Variants in DMD observed in about 807,000 individuals in gnomAD.
DMD encodes dystrophin.
Under a neutral mutation model 330.1 loss-of-function variants are expected in DMD, and 63 were observed. The observed-to-expected ratio is 0.19, with a 90% CI of 0.16 to 0.24. The LOEUF (loss-of-function observed/expected upper bound fraction) is 0.24. DMD is among the 10% of genes least tolerant of loss of function. The probability of loss-of-function intolerance (pLI) is 1.00; values close to 1 mark genes in which losing one functional copy is unlikely to be tolerated. For missense variants in DMD, 3,344 were observed against 2,684.1 expected (o/e 1.25, Z -5.43); for synonymous variants, 1,223 against 959.8 (o/e 1.27, Z -5.07).
Position 31,957,155 on chromosome X carries a change from A to G in DMD, c.6614+11184T>C, listed in dbSNP as rs181848068. 4.8e-3 allele frequency among the ~76,000 whole-genome samples: 533 copies of G among 111,330 alleles called. 4 individuals are homozygous for G. Among genetic ancestry groups the G allele is most frequent in the African/African-American group, 0.016 (479 of 30,594 alleles). ...AGATCCAATCTAGGGTATGATTTGG[A>G]CTATAGTTCTTGGAGCTGAGCCTCT... On this transcript the variant is annotated intron_variant, in intron 45 of 78. Coordinates refer to ENST00000357033, the MANE Select transcript of DMD (RefSeq NM_004006.3).
At chrX:32,364,458 G>A in intron 36 of DMD, 124 bp downstream of exon 36, 1 of 827,879 alleles carries the variant, frequency 1.2e-6, no homozygotes. Context: ...AAAAGGGAAA[G>A]ATAAAGGAAG....
rs780408216 is a variant in DMD at position 32,026,275 on chromosome X, G to A, written c.6439-57761C>T. 5.4e-5 allele frequency among the ~76,000 whole-genome samples: 6 copies of A among 112,094 alleles called. No homozygotes were observed. The South Asian group carries it at 2.2e-3, about 41-fold the overall frequency. ...CTTTAGAGATAATAAGCTAAGAGCT[G>A]CCACTTAGAAGCATATTAAAACTTC... On this transcript the variant is annotated intron_variant, in intron 44 of 78. Coordinates refer to ENST00000357033, the MANE Select transcript of DMD (RefSeq NM_004006.3).
At chrX:31,258,095 A>G (rs1261637560) in intron 63 of DMD, among the ~76,000 whole-genome samples, 1 of 112,671 alleles carries the variant, frequency 8.9e-6, no homozygotes, top group Non-Finnish European at 1.9e-5. Flanking sequence ...AGGTAAAACT[A>G]TCAATTCCTA....
chrX:33,312,584 G>A (rs1263339521), intron 1 of DMD, among the ~76,000 whole-genome samples: 2 of 111,913 alleles, frequency 1.8e-5, no homozygotes, highest in Non-Finnish European at 3.8e-5. Context: ...GTGCAGTCAA[G>A]TCTTGTTATT....
At chrX:32,136,348 C>A (rs2096724752) in intron 44 of DMD, among the ~76,000 whole-genome samples, 1 of 112,382 alleles carries the variant, frequency 8.9e-6, no homozygotes, top group South Asian at 3.6e-4. Flanking sequence ...AAACTGATTC[C>A]ATTTATACTA....
chrX:31,759,843 A>G (rs1044032260), intron 51 of DMD, among the ~76,000 whole-genome samples: 3 of 111,621 alleles, frequency 2.7e-5, no homozygotes, highest in Non-Finnish European at 5.6e-5. Flanking sequence ...CAACTTCACA[A>G]ATTATAGACA....
intron 44 of DMD, among the ~76,000 whole-genome samples, chrX:32,053,031 C>A (rs2096129310): frequency 9.0e-6 from 1 of 111,414 alleles, no homozygotes; most frequent in African/African-American, 3.3e-5. Context: ...GAGTCTTTCC[C>A]CTTCTCTCTT....
intron 42 of DMD, among the ~76,000 whole-genome samples, chrX:32,297,993 C>T (rs1020504959): frequency 9.1e-6 from 1 of 109,580 alleles, no homozygotes; most frequent in Non-Finnish European, 1.9e-5. Context: ...TATGAGCTAG[C>T]GACTACCAGA....
intron 62 of DMD, among the ~76,000 whole-genome samples, chrX:31,296,499 C>A (rs767320367): frequency 8.9e-6 from 1 of 111,778 alleles, no homozygotes; most frequent in Non-Finnish European, 1.9e-5. Context: ...TAGAAAGATT[C>A]TCCTGAGGAA....
intron 54 of DMD, 109 bp from the exon 55 acceptor site, chrX:31,627,971 A>G: frequency 2.8e-6 from 2 of 712,093 alleles, no homozygotes; most frequent in Non-Finnish European, 4.3e-6. Context: ...TATACCAACA[A>G]TGGGGTGAGT....
intron 50 of DMD, among the ~76,000 whole-genome samples, chrX:31,807,285 C>A (rs2092320683): frequency 9.0e-6 from 1 of 111,641 alleles, no homozygotes; most frequent in Non-Finnish European, 1.9e-5. Flanking sequence ...AGTCGTGGTG[C>A]CCTTAAGATT....
At chrX:32,210,639 A>G (rs2097090042) in intron 44 of DMD, among the ~76,000 whole-genome samples, 1 of 111,798 alleles carries the variant, frequency 8.9e-6, no homozygotes, top group African/African-American at 3.2e-5. Context: ...CTTACCTCCT[A>G]TAGAGTTCTT....
intron 44 of DMD, among the ~76,000 whole-genome samples, chrX:32,008,053 G>A (rs1403064786): frequency 2.7e-5 from 3 of 111,191 alleles, no homozygotes; most frequent in East Asian, 5.7e-4. Context: ...CATTACTACC[G>A]ATCAAGATGA....
intron 19 of DMD, among the ~76,000 whole-genome samples, chrX:32,500,041 T>A (rs2043889751): frequency 9.0e-6 from 1 of 110,885 alleles, no homozygotes; most frequent in Non-Finnish European, 1.9e-5. Flanking sequence ...TAATGACGTA[T>A]CAGTTCGACC....
chrX:32,614,616 G>A (rs751380883), intron 11 of DMD, among the ~76,000 whole-genome samples, 163 bp from the exon 12 acceptor site: 3 of 110,776 alleles, frequency 2.7e-5, no homozygotes, highest in East Asian at 2.8e-4. Flanking sequence ...CAGTCACCCC[G>A]GAACTATTAT....
chrX:32,618,370 A>T (rs897423919), intron 11 of DMD, among the ~76,000 whole-genome samples: 4 of 111,908 alleles, frequency 3.6e-5, no homozygotes, highest in African/African-American at 1.3e-4. Flanking sequence ...AGAAACGTAG[A>T]TGAAGCTGGA....
chrX:32,971,228 C>T (rs912288052), intron 2 of DMD, among the ~76,000 whole-genome samples: 1 of 111,743 alleles, frequency 8.9e-6, no homozygotes, highest in East Asian at 2.8e-4. Flanking sequence ...TCCCAAAGTG[C>T]TGGGATTACA....
intron 44 of DMD, among the ~76,000 whole-genome samples, chrX:32,209,358 T>C (rs1159701632): frequency 2.8e-5 from 3 of 109,090 alleles, no homozygotes; most frequent in Non-Finnish European, 5.7e-5. Flanking sequence ...TGAGAGGGAG[T>C]AGATTGGGAC....
chrX:31,872,661 A>G (rs1223075400), intron 48 of DMD, among the ~76,000 whole-genome samples: 1 of 112,019 alleles, frequency 8.9e-6, no homozygotes, highest in Non-Finnish European at 1.9e-5. Context: ...CGTGAGCTAC[A>G]AAAAGCTATT....
Sources: gnomAD v4.1 joint callset for allele counts (sites outside exome capture counted in the v4.1 genomes callset) on GRCh38, gnomAD v4.1.1 for gene constraint, MANE v1.5 for transcripts, NCBI Gene and HGNC (gene_info 2026-07-23, HGNC 2026-07-21) for gene names.